The following POLR3B variants were observed in gnomAD, a reference collection of about 807,000 sequenced individuals.
POLR3B encodes the protein DNA-directed RNA polymerase III subunit RPC2.
POLR3B carries 96 observed loss-of-function variants against 147.4 expected under a neutral mutation model. The observed-to-expected ratio is 0.65, with a 90% CI of 0.55 to 0.77. The LOEUF is 0.77. POLR3B is among the 30% of genes least tolerant of loss of function. The pLI is 0.00. For missense variants in POLR3B, 1,036 were observed against 1,413.5 expected (o/e 0.73, Z 4.28); for synonymous variants, 461 against 485.9 (o/e 0.95, Z 0.67).
rs2036931184 is a variant in POLR3B at position 106,393,011 on chromosome 12, A to G, written c.724-20A>G. The G allele has an allele frequency of 3.1e-6, 5 of 1,614,006 alleles. No individual in the cohort carries two copies. Among genetic ancestry groups the G allele is most frequent in the East Asian group, 2.2e-5 (1 of 44,892 alleles). On this transcript the variant is annotated intron_variant, in intron 9 of 27. Transcript: ENST00000228347. Reference sequence around the variant, plus strand: ...TTAACACAAAGCCAACACTCTTTCTATCTTTTCTTTCCTTCCTAGGCCATG... The same window carrying G: ...TTAACACAAAGCCAACACTCTTTCTGTCTTTTCTTTCCTTCCTAGGCCATG...
chr12:106,477,839 G>T (rs980330615), intron 23 of POLR3B, among the ~76,000 whole-genome samples: 1 of 150,142 alleles, frequency 6.7e-6, no homozygotes, highest in African/African-American at 2.5e-5. Context: ...TCGCTCACGG[G>T]CTGGGAGCTG....
At chr12:106,462,647 T>C (rs7963213) in intron 22 of POLR3B, among the ~76,000 whole-genome samples, 59,760 of 152,102 alleles carry the variant, frequency 0.39, 13,916 homozygotes, top group African/African-American at 0.65. Context: ...GTGGGAAAGG[T>C]GTCCTTAGCA....
At position 106,482,057 on chromosome 12, in the gene POLR3B, G is replaced by A. The variant is rs111633753; in HGVS notation, c.2714-13998G>A. ...ATAAATGCTAACAATCATCAGAGAA[G>A]CATTAATCATAGTTTGTCAGCTCTT... On this transcript the variant is annotated intron_variant, in intron 23 of 27. Transcript: ENST00000228347. Among the ~76,000 whole-genome samples, 786 of 152,278 alleles carry A rather than the reference G, an allele frequency of 5.2e-3. 5 individuals are homozygous for A. The highest frequency in any genetic ancestry group is 8.4e-3 in the Admixed American group (128 of 15,290).
intron 6 of POLR3B, among the ~76,000 whole-genome samples, chr12:106,370,166 C>A (rs972697696): frequency 1.3e-5 from 2 of 152,172 alleles, no homozygotes; most frequent in African/African-American, 2.4e-5. Context: ...TAGAAATGGA[C>A]AAAACCCACA....
intron 21 of POLR3B, among the ~76,000 whole-genome samples, chr12:106,458,078 G>A (rs1404277868): frequency 6.6e-6 from 1 of 152,122 alleles, no homozygotes; most frequent in South Asian, 2.1e-4. Context: ...AGGGGCCAGA[G>A]TAAGCAAGTC....
At chr12:106,383,977 C>CA (rs796136154) in intron 9 of POLR3B, among the ~76,000 whole-genome samples, 2,553 of 108,134 alleles carry the variant, frequency 0.024, 79 homozygotes, top group African/African-American at 0.077. Flanking sequence ...GACTCCATCT[C>CA]AAAAAAAAAA....
intron 23 of POLR3B, among the ~76,000 whole-genome samples, chr12:106,478,787 G>T (rs2038219123): frequency 6.6e-6 from 1 of 152,006 alleles, no homozygotes; most frequent in Non-Finnish European, 1.5e-5. Flanking sequence ...GAACAAGAAA[G>T]GGTTCTTTGT....
At position 106,439,702 on chromosome 12, in the gene POLR3B, A is replaced by C. The variant is rs1276739574; in HGVS notation, c.1955+1923A>C. On this transcript the variant is annotated intron_variant, in intron 18 of 27. Transcript: ENST00000228347. ...ACTTTGTAAATAGTGGTTTTTGGTC[A>C]GAATTTTTCTTCCTTAAAGATGTGA... Among the ~76,000 whole-genome samples, 3 of 152,266 alleles carry C rather than the reference A, an allele frequency of 2.0e-5. No homozygotes were observed. The South Asian group carries it at 6.2e-4, about 32-fold the overall frequency.
At position 106,405,807 on chromosome 12, in the gene POLR3B, A is replaced by G. The variant is rs201202170; in HGVS notation, c.847-50A>G. The G allele has an allele frequency of 3.6e-5, 58 of 1,595,534 alleles. No homozygotes were observed. The East Asian group carries it at 1.1e-3, about 30-fold the overall frequency. On this transcript the variant is annotated intron_variant, in intron 10 of 27. Coordinates refer to ENST00000228347, the MANE Select transcript of POLR3B (RefSeq NM_018082.6). ...GTACATGTGGTTAGGTGCTTGCTAA[A>G]CTACCTCCAGTGATGTCATTCAAAC...
intron 4 of POLR3B, among the ~76,000 whole-genome samples, chr12:106,368,474 C>T (rs1205723772): frequency 6.6e-6 from 1 of 152,100 alleles, no homozygotes; most frequent in Non-Finnish European, 1.5e-5. Flanking sequence ...AACCTTTTCC[C>T]TTTCCTTATT....
intron 25 of POLR3B, among the ~76,000 whole-genome samples, chr12:106,500,355 T>G (rs886444598): frequency 1.3e-5 from 2 of 152,248 alleles, no homozygotes; most frequent in African/African-American, 4.8e-5. Context: ...GAAGCAGTTA[T>G]GTAATAGACA....
chr12:106,369,993 G>C (rs776084935), intron 6 of POLR3B, among the ~76,000 whole-genome samples: 3 of 152,114 alleles, frequency 2.0e-5, no homozygotes, highest in Non-Finnish European at 4.4e-5. Context: ...TGGTGGATAG[G>C]TATATTCTGA....
chr12:106,463,637 C>G lies in POLR3B; in HGVS notation c.2713+17C>G. 2 of 1,603,898 alleles carry G rather than the reference C, an allele frequency of 1.2e-6. No individual in the cohort carries two copies. The highest frequency in any genetic ancestry group is 1.7e-6 in the Non-Finnish European group (2 of 1,170,998). On this transcript the variant is annotated intron_variant, in intron 23 of 27. Coordinates refer to ENST00000228347, the MANE Select transcript of POLR3B (RefSeq NM_018082.6). Reference sequence around the variant, plus strand: ...GGCAAAAAGGTAAACTGTATCATTTCTCAACTTGATTATAAAACAATATAT... The same window carrying G: ...GGCAAAAAGGTAAACTGTATCATTTGTCAACTTGATTATAAAACAATATAT...
Position 106,369,596 on chromosome 12 carries a change from A to T in POLR3B, c.317A>T (p.Asp106Val). 1.2e-6 allele frequency: 2 copies of T among 1,610,156 alleles called. No individual in the cohort carries two copies. The highest frequency in any genetic ancestry group is 1.7e-6 in the Non-Finnish European group (2 of 1,176,428). ...PVSPHECRLRDMTYSAPITVD... is the reference protein window; with the variant it reads ...PVSPHECRLRVMTYSAPITVD... ...ATTCTCTTTCAGTGCCGTTTGAGAG[A>T]CATGACATACTCTGCCCCTATTACA... The change falls in exon 6 of 28, where the codon GAC becomes GTC. Residue 106 changes from aspartate (D) to valine (V), a missense_variant. Asp to Val is a radical substitution (Grantham distance 152). Transcript: ENST00000228347.
At position 106,427,338 on chromosome 12, in the gene POLR3B, A is replaced by G. The variant is rs1164517879; in HGVS notation, c.1243A>G (p.Met415Val). 2 of 1,613,378 alleles carry G rather than the reference A, an allele frequency of 1.2e-6. No individual in the cohort carries two copies. Among genetic ancestry groups the G allele is most frequent in the Non-Finnish European group, 8.5e-7 (1 of 1,179,344 alleles). Residue 415 changes from methionine (M) to valine (V), a missense_variant, in exon 13 of 28, where the codon ATG becomes GTG. Coordinates refer to ENST00000228347, the MANE Select transcript of POLR3B (RefSeq NM_018082.6). ...GCGCCAAGACCAGATCACCAATGGC[A>G]TGGTGAATGCTATTTCTACCGTAAG... The part of the protein sequence containing the change: ...HMRQDQITNG[M>V]VNAISTGNWS...
At chr12:106,430,177 T>C in intron 13 of POLR3B, 96 bp from the exon 14 acceptor site, 1 of 865,880 alleles carries the variant, frequency 1.2e-6, no homozygotes, top group Non-Finnish European at 2.0e-6. Flanking sequence ...TTCGTAAGCA[T>C]GAAGCTCCTG....
In POLR3B at chr12:106,451,908, T is replaced by C. The variant is rs1393005092; in HGVS notation, c.2084-2594T>C. Among the ~76,000 whole-genome samples the C allele has an allele frequency of 2.6e-5, 4 of 152,122 alleles. No homozygotes were observed. The East Asian group carries it at 7.7e-4, about 29-fold the overall frequency. On this transcript the variant is annotated intron_variant, in intron 19 of 27. Transcript: ENST00000228347. Reference sequence around the variant, plus strand: ...GCTTTTTAGAAAGATTATGCCTTAGTAAGTAAAGGGAATCATTGGAGACCA... The same window carrying C: ...GCTTTTTAGAAAGATTATGCCTTAGCAAGTAAAGGGAATCATTGGAGACCA...
chr12:106,394,208 A>G (rs906309824), intron 10 of POLR3B, among the ~76,000 whole-genome samples: 1 of 152,220 alleles, frequency 6.6e-6, no homozygotes, highest in East Asian at 1.9e-4. Context: ...CCAAAGCACA[A>G]ATCAGTAAGG....
intron 10 of POLR3B, among the ~76,000 whole-genome samples, chr12:106,399,841 A>G (rs894495160): frequency 2.6e-5 from 4 of 152,208 alleles, no homozygotes; most frequent in Admixed American, 6.5e-5. Context: ...TAAACTTGGA[A>G]AGGAACAACC....
Sources: gnomAD v4.1 joint callset for allele counts (sites outside exome capture counted in the v4.1 genomes callset) on GRCh38, gnomAD v4.1.1 for gene constraint, MANE v1.5 for transcripts, NCBI Gene and HGNC (gene_info 2026-07-23, HGNC 2026-07-21) for gene names.